Variants in TRAPPC9 observed in about 807,000 individuals in gnomAD.
TRAPPC9 encodes the protein trafficking protein particle complex subunit 9.
In TRAPPC9, 83 loss-of-function variants were observed where a neutral mutation model predicts 124.0. The observed-to-expected ratio is 0.67, with a 90% confidence interval of 0.56 to 0.80. TRAPPC9 has a LOEUF of 0.80. Among genes scored for constraint, TRAPPC9 ranks in the 30% least tolerant of loss-of-function variants. The probability of loss-of-function intolerance (pLI) is 0.00; values close to 1 mark genes in which losing one functional copy is unlikely to be tolerated. For missense variants in TRAPPC9, 1,302 were observed against 1,508.3 expected (o/e 0.86, Z 2.27); for synonymous variants, 638 against 617.5 (o/e 1.03, Z -0.49).
chr8:140,042,606 C>T (rs1021199888), intron 17 of TRAPPC9, among the ~76,000 whole-genome samples: 1 of 152,204 alleles, frequency 6.6e-6, no homozygotes, highest in Non-Finnish European at 1.5e-5. Flanking sequence ...CCTAGCTGAC[C>T]TCCTTCACCT....
chr8:140,147,011 T>C (rs2061473805), intron 17 of TRAPPC9, among the ~76,000 whole-genome samples: 1 of 152,244 alleles, frequency 6.6e-6, no homozygotes, highest in Non-Finnish European at 1.5e-5. Context: ...TTCAAACTAT[T>C]GGCTTGGTGC....
intron 17 of TRAPPC9, among the ~76,000 whole-genome samples, chr8:140,112,901 C>T (rs73361122): frequency 1.1e-4 from 17 of 148,540 alleles, no homozygotes; most frequent in African/African-American, 4.3e-4. Flanking sequence ...AGTGCAGTGG[C>T]GCAAACTCAG....
chr8:140,230,943 T>C (rs1587974940), intron 16 of TRAPPC9, among the ~76,000 whole-genome samples: 1 of 152,170 alleles, frequency 6.6e-6, no homozygotes, highest in Admixed American at 6.5e-5. Context: ...GGACCCCTTT[T>C]AGGGGGTCCC....
In TRAPPC9 at chr8:139,788,065, A is replaced by C. The variant is rs1291639871; in HGVS notation, c.3056-55863T>G. On this transcript the variant is annotated intron_variant, in intron 21 of 22. Transcript: ENST00000438773. The surrounding 1 kb of genome is among the most constrained non-coding windows in gnomAD (Gnocchi z 4.9). ...CAAAGGGCATGGACTCAGAACTAGGAACCCGAATTCCAACCAGGCTTCAGC... is the reference window on the plus strand; with the variant it reads ...CAAAGGGCATGGACTCAGAACTAGGCACCCGAATTCCAACCAGGCTTCAGC... Among the ~76,000 whole-genome samples, 1 of 152,156 alleles carries C rather than the reference A, an allele frequency of 6.6e-6. No individual in the cohort carries two copies. The highest frequency in any genetic ancestry group is 2.4e-5 in the African/African-American group (1 of 41,444).
chr8:139,846,413 C>T (rs550502857), intron 21 of TRAPPC9, among the ~76,000 whole-genome samples: 1 of 152,226 alleles, frequency 6.6e-6, no homozygotes, highest in Non-Finnish European at 1.5e-5. Context: ...CCAGTTGGCA[C>T]CAGCCTGTGA....
At chr8:140,345,073 G>T (rs2067302452) in intron 9 of TRAPPC9, among the ~76,000 whole-genome samples, 1 of 152,226 alleles carries the variant, frequency 6.6e-6, no homozygotes, top group African/African-American at 2.4e-5. Flanking sequence ...GGGTGGGCGG[G>T]TCGACAGTCA....
At chr8:139,965,787 A>AAGGGGAAATACAAACAAT (rs1835666729) in intron 19 of TRAPPC9, among the ~76,000 whole-genome samples, 11 of 61,980 alleles carry the variant, frequency 1.8e-4, no homozygotes, top group East Asian at 7.8e-4. Flanking sequence ...CTCCATGTTG[A>AAGGGGAAATACAAACAAT]GCAGAGTTGG....
chr8:140,118,636 G>A (rs189905456), intron 17 of TRAPPC9, among the ~76,000 whole-genome samples: 47 of 152,348 alleles, frequency 3.1e-4, no homozygotes, highest in African/African-American at 1.0e-3. Flanking sequence ...CTCCACCTGC[G>A]GGTCTGGAGT....
intron 15 of TRAPPC9, among the ~76,000 whole-genome samples, chr8:140,259,159 C>A (rs953869233): frequency 6.6e-6 from 1 of 152,198 alleles, no homozygotes. Context: ...CACCCCTGTG[C>A]CCTAGTTACC....
At chr8:139,953,766 C>T (rs1025903383) in intron 19 of TRAPPC9, among the ~76,000 whole-genome samples, 3 of 152,146 alleles carry the variant, frequency 2.0e-5, no homozygotes, top group African/African-American at 4.8e-5. Context: ...ACTTCACCAA[C>T]AAAATCTACA....
intron 9 of TRAPPC9, among the ~76,000 whole-genome samples, chr8:140,339,236 C>T (rs573333933): frequency 6.6e-6 from 1 of 152,382 alleles, no homozygotes; most frequent in Admixed American, 6.5e-5. Flanking sequence ...GGCTTCAAAC[C>T]AGCACCGCCA....
chr8:140,336,485 T>C (rs1053254192), intron 9 of TRAPPC9, among the ~76,000 whole-genome samples: 3 of 152,174 alleles, frequency 2.0e-5, no homozygotes, highest in Non-Finnish European at 4.4e-5. Flanking sequence ...TTTCATTTCC[T>C]GCCCTTCCCC....
intron 20 of TRAPPC9, among the ~76,000 whole-genome samples, chr8:139,903,234 T>C (rs571212827): frequency 2.0e-5 from 3 of 152,294 alleles, no homozygotes; most frequent in Admixed American, 6.5e-5. Context: ...TCCCCTACTC[T>C]GGGTATCTAA....
intron 21 of TRAPPC9, among the ~76,000 whole-genome samples, chr8:139,792,158 G>T (rs1822734814): frequency 1.3e-5 from 2 of 152,200 alleles, no homozygotes; most frequent in Admixed American, 6.5e-5. Flanking sequence ...AGAGAGCACA[G>T]TCCCCCATTC....
chr8:139,821,272 G>A (rs1487251209), intron 21 of TRAPPC9, among the ~76,000 whole-genome samples: 4 of 152,270 alleles, frequency 2.6e-5, no homozygotes, highest in Admixed American at 1.3e-4. Flanking sequence ...CAGCAACAAT[G>A]TGTTTCATTC....
intron 19 of TRAPPC9, among the ~76,000 whole-genome samples, chr8:139,927,257 T>G (rs1051995800): frequency 2.0e-5 from 3 of 151,590 alleles, no homozygotes; most frequent in African/African-American, 7.3e-5. Flanking sequence ...TTTCTTTCTT[T>G]TTTTTTTTAG....
intron 7 of TRAPPC9, among the ~76,000 whole-genome samples, chr8:140,374,134 T>C (rs893258231): frequency 6.6e-6 from 1 of 152,232 alleles, no homozygotes; most frequent in African/African-American, 2.4e-5. Context: ...GAAGTTGTTG[T>C]CTAGGTCTAT....
chr8:140,418,148 C>T (rs111270008), intron 5 of TRAPPC9, among the ~76,000 whole-genome samples: 1,764 of 152,118 alleles, frequency 0.012, 31 homozygotes, highest in African/African-American at 0.04. Flanking sequence ...CACCATGGCA[C>T]GTGTATACCT....
At chr8:139,850,908 G>C (rs1298154064) in intron 21 of TRAPPC9, among the ~76,000 whole-genome samples, 1 of 152,124 alleles carries the variant, frequency 6.6e-6, no homozygotes, top group African/African-American at 2.4e-5. Flanking sequence ...GATATGGCAG[G>C]ATCAAGATGA....
Sources: allele counts gnomAD v4.1 joint callset (sites outside exome capture counted in the v4.1 genomes callset), GRCh38; gene constraint gnomAD v4.1.1; non-coding constraint Gnocchi (gnomAD v3.1); transcripts MANE v1.5; gene names NCBI Gene and HGNC (gene_info 2026-07-23, HGNC 2026-07-21).